The following LRRC53 variants were observed in gnomAD, a reference collection of about 807,000 sequenced individuals.
LRRC53 encodes leucine rich repeat containing 53.
Under a neutral mutation model 13.6 loss-of-function variants are expected in LRRC53, and 25 were observed. That is an observed-to-expected ratio of 1.83 (90% confidence interval 1.34 to 2.56). LRRC53 has a LOEUF of 2.56. LRRC53 is among the 30% of genes most tolerant of loss of function. The pLI is 0.00. For missense variants in LRRC53, 527 were observed against 275.8 expected, an observed-to-expected ratio of 1.91 and a Z score of -6.45; for synonymous variants, 204 against 109.8, an observed-to-expected ratio of 1.86 and a Z score of -5.37.
At chr1:74,518,860 TTA>T in the LRRC53 span, among the ~76,000 whole-genome samples, 1 of 112,944 alleles carries the variant, frequency 8.9e-6, no homozygotes, top group Admixed American at 9.4e-5. Context: ...TTATTTTATT[TTA>T]TTTTTTTTCC....
chr1:74,511,499 A>G (rs1670220789), intron 1 of LRRC53, among the ~76,000 whole-genome samples: 1 of 152,172 alleles, frequency 6.6e-6, no homozygotes, highest in Non-Finnish European at 1.5e-5. Context: ...GGAAAACACA[A>G]ATGTATGTGT....
At chr1:74,487,761 C>T (rs1034652100) in intron 1 of LRRC53, among the ~76,000 whole-genome samples, 24 of 152,084 alleles carry the variant, frequency 1.6e-4, no homozygotes, top group Admixed American at 9.2e-4. Flanking sequence ...TGGAACTGCT[C>T]GTAATAAAAA....
chr1:74,471,047 T>C lies in LRRC53; in HGVS notation c.2575A>G (p.Thr859Ala), dbSNP rs1346417819. 1.0e-5 allele frequency: 4 copies of C among 400,612 alleles called. No homozygotes were observed. The highest frequency in any genetic ancestry group is 3.6e-5 in the East Asian group (1 of 28,076). The allele number at this position is 400,612 out of a possible 1,614,324, so 24.8% of individuals were successfully genotyped here. The change falls in exon 5 of 5, where the codon ACT becomes GCT. Residue 859 changes from threonine (T) to alanine (A), a missense_variant. Physicochemically the swap from Thr to Ala is moderately conservative, Grantham distance 58. Transcript: ENST00000294635. ...TGAGTTGCATCTTCCATTTGCTCAGTTGAGAATTGAGAATGTGAGTGCCTG... is the reference window on the plus strand; with the variant it reads ...TGAGTTGCATCTTCCATTTGCTCAGCTGAGAATTGAGAATGTGAGTGCCTG... ...EHRHSHSQFS[T>A]EQMEDATQLE...
chr1:74,517,466 G>C (rs1218701495), upstream of LRRC53, among the ~76,000 whole-genome samples: 1 of 152,206 alleles, frequency 6.6e-6, no homozygotes, highest in African/African-American at 2.4e-5. Context: ...AGGCTGGACA[G>C]GAAATGGTAA....
In LRRC53 at chr1:74,489,228, G is replaced by C. The variant is rs1035914333; in HGVS notation, c.-26-5853C>G. The C allele has an allele frequency of 2.0e-5, 33 of 1,612,298 alleles. 1 individual carries two copies. In the Middle Eastern group the frequency reaches 8.3e-4, roughly 40 times the overall value. On this transcript the variant is annotated intron_variant, in intron 1 of 4. Coordinates refer to ENST00000294635, the MANE Select transcript of LRRC53 (RefSeq NM_001382280.1). ...TTCTGAAGTTGTCATGAAGTTAGAA[G>C]AGTGTCTCTGCAACATTGAGGTAAA...
chr1:74,475,367 G>T lies in LRRC53; in HGVS notation c.1348C>A (p.Gln450Lys). The part of the protein sequence containing the change: ...LLTTYNPRKV[Q>K]KLWNLEPGEV... The stretch of plus-strand genomic sequence containing the variant: ...CCAGGCTCAAGATTCCATAGCTTTT[G>T]AACTTTCCTTGGATTATATGTTGTA... The change falls in exon 4 of 5, where the codon CAA (glutamine) becomes AAA (lysine). Residue 450 changes from glutamine to lysine, a missense_variant. Transcript: ENST00000294635. The T allele has an allele frequency of 1.4e-6, 1 of 716,366 alleles. No homozygotes were observed. Among genetic ancestry groups the T allele is most frequent in the South Asian group, 1.5e-5 (1 of 67,446 alleles). The allele number at this position is 716,366 out of a possible 1,614,324, so 44.4% of individuals were successfully genotyped here. A position where few individuals can be genotyped will look rare whatever the true frequency, so the allele number is the denominator to read the frequency against.
Position 74,471,114 on chromosome 1 carries a change from G to T in LRRC53, c.2508C>A (p.Asn836Lys). 1 of 400,746 alleles carries T rather than the reference G, an allele frequency of 2.5e-6. No individual in the cohort carries two copies. Among genetic ancestry groups the T allele is most frequent in the East Asian group, 3.6e-5 (1 of 28,084 alleles). The allele number at this position is 400,746 out of a possible 1,614,324, so 24.8% of individuals were successfully genotyped here. ...CYSAGHIPDG[N>K]TSKLPQPTPT... Reference sequence around the variant, plus strand: ...GTGTAGGTTGGGGCAATTTTGATGTGTTTCCATCAGGAATGTGGCCAGCTG... The same window carrying T: ...GTGTAGGTTGGGGCAATTTTGATGTTTTTCCATCAGGAATGTGGCCAGCTG... The change falls in exon 5 of 5, where the codon AAC becomes AAA. Residue 836 changes from asparagine to lysine, a missense_variant. Transcript: ENST00000294635.
intron 1 of LRRC53, among the ~76,000 whole-genome samples, chr1:74,493,104 C>T (rs1047386915): frequency 3.3e-5 from 5 of 152,034 alleles, no homozygotes; most frequent in Non-Finnish European, 4.4e-5. Context: ...ACATGGGAGG[C>T]TAGGGTTTCA....
chr1:74,501,607 C>A (rs2100343159), intron 1 of LRRC53, among the ~76,000 whole-genome samples: 1 of 152,272 alleles, frequency 6.6e-6, no homozygotes, highest in South Asian at 2.1e-4. Context: ...CTGCCTCAGC[C>A]TCCCGAGTAG....
At chr1:74,522,099 C>T in the LRRC53 span, among the ~76,000 whole-genome samples, 4 of 152,232 alleles carry the variant, frequency 2.6e-5, no homozygotes, top group South Asian at 8.3e-4. Context: ...TGCTGATTCG[C>T]TGGCCAGGGA....
intron 1 of LRRC53, among the ~76,000 whole-genome samples, chr1:74,485,318 T>C (rs1668699475): frequency 6.6e-6 from 1 of 152,220 alleles, no homozygotes; most frequent in Admixed American, 6.5e-5. Context: ...AACAATGCCC[T>C]GCATGGGGCA....
upstream of LRRC53, among the ~76,000 whole-genome samples, chr1:74,514,211 A>G (rs1646312619): frequency 6.6e-6 from 1 of 152,236 alleles, no homozygotes; most frequent in Non-Finnish European, 1.5e-5. Context: ...ACAATCAAGT[A>G]TAAGATACGG....
At chr1:74,530,886 T>C in the LRRC53 span, among the ~76,000 whole-genome samples, 3 of 152,290 alleles carry the variant, frequency 2.0e-5, no homozygotes, top group South Asian at 6.2e-4. Flanking sequence ...AGTAGGTAAA[T>C]TGAGAGGTGG....
the LRRC53 span, among the ~76,000 whole-genome samples, chr1:74,523,662 G>T: frequency 6.6e-6 from 1 of 152,190 alleles, no homozygotes; most frequent in South Asian, 2.1e-4. Context: ...CTGAGAGTTG[G>T]CAGTGTCTGG....
chr1:74,518,338 G>A, the LRRC53 span, among the ~76,000 whole-genome samples: 1 of 152,042 alleles, frequency 6.6e-6, no homozygotes, highest in Non-Finnish European at 1.5e-5. Context: ...TTTCCACATA[G>A]CCTCTTACTG....
Position 74,480,596 on chromosome 1 carries a change from G to A in LRRC53, c.461C>T (p.Thr154Met), listed in dbSNP as rs61729318. ...CAGATACCTGAGACTGTGGAGATTC[G>A]TGCCTCCGAAAGAACTGTCTGTGAG... ...TNLTDSSFGG[T>M]NLHSLRYLDL... The change falls in exon 3 of 5, where the codon ACG (threonine) becomes ATG (methionine). Residue 154 changes from threonine to methionine, a missense_variant. Coordinates refer to ENST00000294635, the MANE Select transcript of LRRC53 (RefSeq NM_001382280.1). 5.6e-6 allele frequency: 4 copies of A among 717,218 alleles called. No homozygotes were observed. The highest frequency in any genetic ancestry group is 1.5e-5 in the South Asian group (1 of 67,594). 44.4% of individuals were successfully genotyped at this position (717,218 alleles called of 1,614,324 possible). A position where few individuals can be genotyped will look rare whatever the true frequency, so the allele number is the denominator to read the frequency against.
chr1:74,475,722 A>G lies in LRRC53; in HGVS notation c.993T>C (p.Leu331=). The change falls in exon 4 of 5, where the codon CTT becomes CTC. Residue 331 remains leucine, a synonymous_variant. Transcript: ENST00000294635. ...GKANEHTSEN[L]CCRTFDEPLC... is the part of the protein sequence containing the mutation. Reference sequence around the variant, plus strand: ...GGGGTTCATCGAAGGTTCTGCAACAAAGGTTTTCTGATGTGTGTTCATTTG... The same window carrying G: ...GGGGTTCATCGAAGGTTCTGCAACAGAGGTTTTCTGATGTGTGTTCATTTG... The G allele has an allele frequency of 1.4e-6, 1 of 694,952 alleles. No individual in the cohort carries two copies. Among genetic ancestry groups the G allele is most frequent in the East Asian group, 2.7e-5 (1 of 37,000 alleles). The allele number at this position is 694,952 out of a possible 1,614,324, so 43.0% of individuals were successfully genotyped here. A position where few individuals can be genotyped will look rare whatever the true frequency, so the allele number is the denominator to read the frequency against.
chr1:74,494,068 G>T lies in LRRC53; in HGVS notation c.-26-10693C>A, dbSNP rs114597575. The stretch of plus-strand genomic sequence containing the variant: ...GTGAGCTTCATAGATACCCTGAAGA[G>T]TGCATACTTTCCAACCCATGGAAGA... On this transcript the variant is annotated intron_variant, in intron 1 of 4. Transcript: ENST00000294635. Among the ~76,000 whole-genome samples the T allele has an allele frequency of 8.5e-4, 129 of 152,264 alleles. 1 individual carries two copies. The highest frequency in any genetic ancestry group is 3.0e-3 in the African/African-American group (125 of 41,548).
At chr1:74,503,749 T>C (rs1669752920) in intron 1 of LRRC53, among the ~76,000 whole-genome samples, 1 of 152,230 alleles carries the variant, frequency 6.6e-6, no homozygotes, top group Non-Finnish European at 1.5e-5. Flanking sequence ...CAGTTGCCTT[T>C]TATCTCTTTC....
Sources: gnomAD v4.1 joint callset for allele counts (sites outside exome capture counted in the v4.1 genomes callset) on GRCh38, gnomAD v4.1.1 for gene constraint, MANE v1.5 for transcripts, NCBI Gene and HGNC (gene_info 2026-07-23, HGNC 2026-07-21) for gene names.